The following CSRNP3 variants were observed in gnomAD, a reference collection of about 807,000 sequenced individuals.
CSRNP3 encodes the protein cysteine/serine-rich nuclear protein 3.
Under a neutral mutation model 48.0 loss-of-function variants are expected in CSRNP3, and 12 were observed. That is an observed-to-expected ratio of 0.25 (90% CI 0.16 to 0.41). CSRNP3 has a LOEUF of 0.41. CSRNP3 is among the 10% of genes least tolerant of loss of function. CSRNP3 has a pLI of 1.00. For missense variants in CSRNP3, 580 were observed against 724.4 expected (o/e 0.80, Z 2.29); for synonymous variants, 263 against 269.7 (o/e 0.98, Z 0.24).
intron 3 of CSRNP3, among the ~76,000 whole-genome samples, chr2:165,543,257 T>C (rs1199651678): frequency 6.6e-6 from 1 of 152,202 alleles, no homozygotes. Context: ...TTGTTATTCT[T>C]TTATTAATGA....
At chr2:165,615,276 G>A (rs1031959659) in intron 4 of CSRNP3, among the ~76,000 whole-genome samples, 1 of 152,108 alleles carries the variant, frequency 6.6e-6, no homozygotes, top group Non-Finnish European at 1.5e-5. Context: ...GGGTGTGGTG[G>A]CTTACCCCTG....
At chr2:165,608,376 T>C (rs1686065910) in intron 4 of CSRNP3, among the ~76,000 whole-genome samples, 1 of 152,104 alleles carries the variant, frequency 6.6e-6, no homozygotes, top group Non-Finnish European at 1.5e-5. Context: ...CAAAGCTGCC[T>C]TTCACTGGCA....
chr2:165,667,303 G>A (rs2390293), intron 5 of CSRNP3, among the ~76,000 whole-genome samples: 102,391 of 152,060 alleles, frequency 0.67, 35,707 homozygotes, highest in South Asian at 0.77. Flanking sequence ...AAGCTTCTGC[G>A]TGGAATTTTA....
intron 4 of CSRNP3, among the ~76,000 whole-genome samples, chr2:165,650,053 C>T (rs572520818): frequency 6.6e-6 from 1 of 151,990 alleles, no homozygotes; most frequent in Admixed American, 6.6e-5. Flanking sequence ...GGATTTTGTT[C>T]ATGGTAAGAA....
chr2:165,603,343 C>G (rs927403849), intron 4 of CSRNP3, among the ~76,000 whole-genome samples: 16 of 152,178 alleles, frequency 1.1e-4, no homozygotes, highest in African/African-American at 3.1e-4. Flanking sequence ...TCCTTGAGCA[C>G]TCTGACCTGG....
At chr2:165,542,460 G>A (rs764059027) in intron 3 of CSRNP3, among the ~76,000 whole-genome samples, 1 of 151,848 alleles carries the variant, frequency 6.6e-6, no homozygotes, top group African/African-American at 2.4e-5. Context: ...TAAACAAAAG[G>A]GCTCCAACAA....
chr2:165,628,450 A>G (rs1194580269), intron 4 of CSRNP3, among the ~76,000 whole-genome samples: 1 of 152,204 alleles, frequency 6.6e-6, no homozygotes, highest in Non-Finnish European at 1.5e-5. Flanking sequence ...TTGGCTGGGC[A>G]CAGTGGTTCA....
At position 165,580,433 on chromosome 2, in the gene CSRNP3, A is replaced by C. The variant is rs531293685; in HGVS notation, c.-23-14610A>C. On this transcript the variant is annotated intron_variant, in intron 3 of 6. Transcript: ENST00000651982. ...CCTGTCCCTGCCTTAAATAGTAAAA[A>C]TCTATATTGTGCCTAAGGTGGTGAT... 3.9e-5 allele frequency among the ~76,000 whole-genome samples: 6 copies of C among 152,282 alleles called. No homozygotes were observed. The South Asian group carries it at 1.0e-3, about 26-fold the overall frequency.
At chr2:165,504,548 C>T (rs942962789) in intron 2 of CSRNP3, among the ~76,000 whole-genome samples, 3 of 151,974 alleles carry the variant, frequency 2.0e-5, no homozygotes, top group African/African-American at 7.2e-5. Flanking sequence ...ACTTCCATGC[C>T]ATGTAACAAA....
At chr2:165,571,522 A>G (rs902506653) in intron 3 of CSRNP3, among the ~76,000 whole-genome samples, 18 of 152,070 alleles carry the variant, frequency 1.2e-4, no homozygotes, top group African/African-American at 3.9e-4. Context: ...TATTAATGTA[A>G]TATTTGTGTG....
chr2:165,647,162 T>A (rs537966826), intron 4 of CSRNP3, among the ~76,000 whole-genome samples: 4 of 152,330 alleles, frequency 2.6e-5, no homozygotes, highest in African/African-American at 9.6e-5. Flanking sequence ...TTATTTCTTA[T>A]AATATTCCTG....
At chr2:165,561,506 C>T (rs1019362664) in intron 3 of CSRNP3, among the ~76,000 whole-genome samples, 1 of 151,942 alleles carries the variant, frequency 6.6e-6, no homozygotes, top group African/African-American at 2.4e-5. Context: ...TGATATTCTA[C>T]AAAAAGTCAT....
At position 165,679,763 on chromosome 2, in the gene CSRNP3, T is replaced by G. The variant is rs1442506799; in HGVS notation, c.*10T>G. On this transcript the variant is annotated 3_prime_UTR_variant, in exon 7 of 7. Transcript: ENST00000651982. ...GACAGTCCCTGTTTAGTAGCTTAAA[T>G]TATTCTAGGACCAACTCTTCTCTTA... 6.2e-7 allele frequency: 1 copy of G among 1,606,856 alleles called. No individual in the cohort carries two copies. The highest frequency in any genetic ancestry group is 1.7e-5 in the Admixed American group (1 of 59,636).
rs980836334 is a variant in CSRNP3, at chr2:165,676,466, C to A, written c.563C>A (p.Ala188Asp). The change falls in exon 6 of 7, where the codon GCC becomes GAC. Residue 188 changes from alanine to aspartate, a missense_variant. By Grantham distance (126) the Ala-to-Asp change is moderately radical. Around this residue, in one of 4 missense-constraint regions of CSRNP3, gnomAD observed 66 missense variants for 137.6 expected, o/e 0.48. Transcript: ENST00000651982. The stretch of plus-strand genomic sequence containing the variant: ...AAAAAACGAAGAGCTCTGCTGCGTG[C>A]CTCTGGAGTGAAAAAGATTGACGTG... The part of the protein sequence containing the change: ...PTKKRRALLR[A>D]SGVKKIDVEE... 6 of 1,614,042 alleles carry A rather than the reference C, an allele frequency of 3.7e-6. No homozygotes were observed. In the Admixed American group the frequency reaches 5.0e-5, roughly 13 times the overall value.
intron 2 of CSRNP3, among the ~76,000 whole-genome samples, chr2:165,513,757 G>A (rs1252095640): frequency 6.6e-6 from 1 of 152,172 alleles, no homozygotes; most frequent in East Asian, 1.9e-4. Context: ...ATGGAAGAGT[G>A]CCTTGACCAT....
chr2:165,514,284 G>A (rs1684545634), intron 2 of CSRNP3, among the ~76,000 whole-genome samples: 1 of 152,202 alleles, frequency 6.6e-6, no homozygotes, highest in Non-Finnish European at 1.5e-5. Flanking sequence ...GTATGAAAAG[G>A]CAGTGTTGAG....
intron 3 of CSRNP3, chr2:165,566,632 A>C (rs1028257296): frequency 1.3e-5 from 2 of 151,924 alleles, no homozygotes; most frequent in Admixed American, 1.3e-4. Context: ...TATTGTGCAC[A>C]CCACCACATC....
chr2:165,470,295 C>G (rs1035639808), intron 1 of CSRNP3, among the ~76,000 whole-genome samples: 21 of 152,196 alleles, frequency 1.4e-4, no homozygotes, highest in African/African-American at 4.8e-4. Flanking sequence ...ATTTAACTTA[C>G]TCCTCTTGAT....
intron 4 of CSRNP3, among the ~76,000 whole-genome samples, chr2:165,613,085 A>AT (rs1020639321): frequency 1.3e-5 from 2 of 151,780 alleles, no homozygotes; most frequent in Non-Finnish European, 2.9e-5. Context: ...AGCACTTGTT[A>AT]TTTTTTTGTC....
Sources: allele counts gnomAD v4.1 joint callset (sites outside exome capture counted in the v4.1 genomes callset), GRCh38; gene constraint gnomAD v4.1.1; regional missense constraint gnomAD v4.1.1; transcripts MANE v1.5; gene names NCBI Gene and HGNC (gene_info 2026-07-23, HGNC 2026-07-21).